The following MAPK9 variants were observed in gnomAD, a reference collection of about 807,000 sequenced individuals.
MAPK9 encodes the protein Jun kinase.
In MAPK9, 30 loss-of-function variants were observed where a neutral mutation model predicts 57.1. That is an observed-to-expected ratio of 0.53 (90% CI 0.39 to 0.71). The LOEUF is 0.71. Ranked by LOEUF, MAPK9 falls within the 30% of genes least tolerant of loss-of-function variation. The pLI is 0.00. For synonymous variants in MAPK9, 155 were observed against 177.0 expected, an observed-to-expected ratio of 0.88 and a Z score of 0.99; for missense variants, 362 against 521.0, an observed-to-expected ratio of 0.69 and a Z score of 2.97.
intron 6 of MAPK9, 84 bp downstream of exon 6, chr5:180,248,889 T>C (rs1041518273): frequency 1.4e-6 from 2 of 1,460,484 alleles, no homozygotes; most frequent in South Asian, 2.8e-5. Flanking sequence ...TATCATATGG[T>C]TCAAAGGAAA....
intron 5 of MAPK9, 75 bp from the exon 6 acceptor site, chr5:180,249,213 G>T: frequency 7.3e-7 from 1 of 1,378,742 alleles, no homozygotes; most frequent in Non-Finnish European, 9.9e-7. Flanking sequence ...CGTGAGGGTC[G>T]TGAAGCCAGT....
chr5:180,253,748 G>A (rs1024177811), intron 5 of MAPK9: 1 of 152,258 alleles, frequency 6.6e-6, no homozygotes, highest in Non-Finnish European at 1.5e-5. Context: ...TTTGCGCTCT[G>A]CCACATGAGA....
At chr5:180,284,363 G>A (rs1157884101) in intron 1 of MAPK9, among the ~76,000 whole-genome samples, 2 of 152,176 alleles carry the variant, frequency 1.3e-5, no homozygotes, top group Non-Finnish European at 2.9e-5. Context: ...ACTCAGCAGC[G>A]CCCGCCAGGC....
intron 7 of MAPK9, among the ~76,000 whole-genome samples, chr5:180,243,306 C>T (rs563789820): frequency 2.6e-5 from 4 of 152,312 alleles, no homozygotes; most frequent in South Asian, 4.1e-4. Flanking sequence ...ACCATCACTG[C>T]GATCCCTAGG....
At chr5:180,268,213 A>G (rs749791818) in intron 3 of MAPK9, among the ~76,000 whole-genome samples, 5 of 152,196 alleles carry the variant, frequency 3.3e-5, no homozygotes, top group African/African-American at 7.2e-5. Flanking sequence ...ATTGAACCCA[A>G]CTTCATTTTC....
rs185006046 is a variant in MAPK9, at chr5:180,250,989, G to C, written c.451-1851C>G. ...TCTTGTTTCCTTTTTTAAAATCAAA[G>C]AGTATGACAAGAACAGGCATTTTAG... On this transcript the variant is annotated intron_variant, in intron 5 of 11. Transcript: ENST00000452135. Among the ~76,000 whole-genome samples the C allele has an allele frequency of 6.7e-4, 102 of 152,232 alleles. 3 individuals are homozygous for C. In the East Asian group the frequency reaches 0.014, roughly 21 times the overall value.
At chr5:180,279,842 A>C (rs1360761907) in intron 2 of MAPK9, 2 of 456,494 alleles carry the variant, frequency 4.4e-6, no homozygotes, top group Non-Finnish European at 8.8e-6. Context: ...CTTACCATGC[A>C]AGAGACTAAC....
chr5:180,244,948 T>TC (rs910577720), intron 7 of MAPK9, among the ~76,000 whole-genome samples: 5 of 152,084 alleles, frequency 3.3e-5, no homozygotes, highest in African/African-American at 1.2e-4. Context: ...CAGGGGCCAA[T>TC]CCCCCGTCCT....
At chr5:180,243,634 A>G (rs758719058) in intron 7 of MAPK9, among the ~76,000 whole-genome samples, 2 of 152,240 alleles carry the variant, frequency 1.3e-5, no homozygotes, top group Non-Finnish European at 2.9e-5. Context: ...TCACCATGAA[A>G]TAACCTAGGG....
chr5:180,236,959 G>A (rs941026647), intron 11 of MAPK9: 1 of 152,134 alleles, frequency 6.6e-6, no homozygotes, highest in South Asian at 2.1e-4. Flanking sequence ...TAAATCTACA[G>A]GAAAAAAAGC....
chr5:180,238,491 C>T (rs897835030), intron 10 of MAPK9, 88 bp from the exon 11 acceptor site: 15 of 924,476 alleles, frequency 1.6e-5, no homozygotes, highest in Non-Finnish European at 2.4e-5. Context: ...TCAACTGGAA[C>T]AAAGGCATTG....
In MAPK9 at chr5:180,247,438, C is replaced by T. The variant is rs376525165; in HGVS notation, c.688+1G>A. On this transcript the variant is annotated splice_donor_variant, in intron 7 of 11. Transcript: ENST00000452135. LOFTEE classifies it high-confidence loss of function. This position sits in a 1 kb window ranked among gnomAD's most constrained non-coding sequence, Gnocchi z 4.5. Reference sequence around the variant, plus strand: ...GGGGCCAAGGTCGCGGGGAAGGATACGGTCAGTGCCTTGGAATATCACACA... The same window carrying T: ...GGGGCCAAGGTCGCGGGGAAGGATATGGTCAGTGCCTTGGAATATCACACA... The T allele has an allele frequency of 7.4e-6, 12 of 1,614,062 alleles. No individual in the cohort carries two copies. The highest frequency in any genetic ancestry group is 1.0e-5 in the Non-Finnish European group (12 of 1,180,036).
chr5:180,268,848 A>C (rs1262255415), intron 3 of MAPK9, among the ~76,000 whole-genome samples: 2 of 142,588 alleles, frequency 1.4e-5, no homozygotes, highest in Non-Finnish European at 3.0e-5. Flanking sequence ...AATGTTATCA[A>C]TAAAAAATAG....
intron 1 of MAPK9, among the ~76,000 whole-genome samples, chr5:180,290,666 C>T (rs1450992281): frequency 6.6e-6 from 1 of 152,222 alleles, no homozygotes; most frequent in Non-Finnish European, 1.5e-5. Context: ...GGGTCAAGGA[C>T]ACCAAAATGT....
chr5:180,244,848 T>A (rs967550639), intron 7 of MAPK9, among the ~76,000 whole-genome samples: 2 of 151,680 alleles, frequency 1.3e-5, no homozygotes, highest in African/African-American at 4.8e-5. Context: ...CAGCCTCTCA[T>A]TTTCTCTCAA....
In MAPK9 at chr5:180,235,793, T is replaced by C. The variant is rs945857966; in HGVS notation, c.*591A>G. 1 of 152,218 alleles carries C rather than the reference T, an allele frequency of 6.6e-6. No homozygotes were observed. Among genetic ancestry groups the C allele is most frequent in the African/African-American group, 2.4e-5 (1 of 41,450 alleles). The allele number at this position is 152,218 out of a possible 1,614,324, so 9.4% of individuals were successfully genotyped here. A position where few individuals can be genotyped will look rare whatever the true frequency, so the allele number is the denominator to read the frequency against. On this transcript the variant is annotated 3_prime_UTR_variant, in exon 12 of 12. Transcript: ENST00000452135. Reference sequence around the variant, plus strand: ...CATCACAAATCTAAGAAAAGCTATATATTTTTATTTATTAAATAGATTTAA... The same window carrying C: ...CATCACAAATCTAAGAAAAGCTATACATTTTTATTTATTAAATAGATTTAA...
chr5:180,291,554 G>A (rs1581348827), intron 1 of MAPK9, among the ~76,000 whole-genome samples: 1 of 152,218 alleles, frequency 6.6e-6, no homozygotes. Flanking sequence ...CTGGGCACCC[G>A]GCGCAGGAGT....
At chr5:180,270,853 G>C (rs978533470) in intron 2 of MAPK9, among the ~76,000 whole-genome samples, 17 of 111,798 alleles carry the variant, frequency 1.5e-4, no homozygotes, top group African/African-American at 7.6e-4. Flanking sequence ...TGTTGCCCAG[G>C]GTCTCAAAAA....
At position 180,242,707 on chromosome 5, in the gene MAPK9, G is replaced by C. The variant is rs368426360; in HGVS notation, c.737C>G (p.Ala246Gly). 1.2e-6 allele frequency: 2 copies of C among 1,614,050 alleles called. No individual in the cohort carries two copies. The highest frequency in any genetic ancestry group is 8.5e-7 in the Non-Finnish European group (1 of 1,179,996). The change falls in exon 8 of 12, where the codon GCA (alanine) becomes GGA (glycine). Residue 246 changes from alanine to glycine, a missense_variant. Around this residue, in one of 3 missense-constraint regions of MAPK9, gnomAD observed 199 missense variants for 251.3 expected, o/e 0.79. Transcript: ENST00000452135. ...KVIEQLGTPSAEFMKKLQPTV... is the reference protein window; with the variant it reads ...KVIEQLGTPSGEFMKKLQPTV... ...TGGCTGAAGTTTCTTCATGAACTCT[G>C]CTGATGGTGTTCCCAGCTGCTCAAT...
Sources: allele counts gnomAD v4.1 joint callset (sites outside exome capture counted in the v4.1 genomes callset), GRCh38; gene constraint gnomAD v4.1.1; regional missense constraint gnomAD v4.1.1; non-coding constraint Gnocchi (gnomAD v3.1); transcripts MANE v1.5; gene names NCBI Gene and HGNC (gene_info 2026-07-23, HGNC 2026-07-21).